IL12RB2: variants seen among roughly 807,000 people sequenced by gnomAD.
IL12RB2 encodes interleukin-12 receptor subunit beta-2.
In IL12RB2, 82 loss-of-function variants were observed where a neutral mutation model predicts 89.4. The ratio of observed to expected loss-of-function variants is 0.92; its 90% confidence interval spans 0.77 to 1.10. The LOEUF (loss-of-function observed/expected upper bound fraction) is 1.10, where lower values mean the gene tolerates loss of function less well. IL12RB2 is among the 50% of genes least tolerant of loss of function. The probability of loss-of-function intolerance (pLI) is 0.00; values close to 1 mark genes in which losing one functional copy is unlikely to be tolerated. For missense variants in IL12RB2, 963 were observed against 1,031.9 expected (o/e 0.93, Z 0.92); for synonymous variants, 368 against 370.1 (o/e 0.99, Z 0.07).
At chr1:67,320,252 A>C (rs991847951) in intron 2 of IL12RB2, 81 bp from the exon 3 acceptor site, 2 of 1,588,596 alleles carry the variant, frequency 1.3e-6, no homozygotes, top group Non-Finnish European at 1.7e-6. Flanking sequence ...ATAAAGCGGC[A>C]CTTGAAGCTC....
chr1:67,362,439 G>T (rs1304005527), intron 10 of IL12RB2, among the ~76,000 whole-genome samples: 2 of 150,104 alleles, frequency 1.3e-5, no homozygotes, highest in African/African-American at 2.4e-5. Context: ...GGTGGCGGGC[G>T]CCTGTAGTCC....
rs1314139375 is a variant in IL12RB2 at position 67,398,138 on chromosome 1, C to T, written c.*2049C>T. On this transcript the variant is annotated 3_prime_UTR_variant, in exon 17 of 17. Transcript: ENST00000674203. ...TTTAGCTATTATTGTGCGGCACCCCCAATGGTTCCTTTCCTCTCAGCATCG... is the reference window on the plus strand; with the variant it reads ...TTTAGCTATTATTGTGCGGCACCCCTAATGGTTCCTTTCCTCTCAGCATCG... Among the ~76,000 whole-genome samples, 1 of 152,156 alleles carries T rather than the reference C, an allele frequency of 6.6e-6. No individual in the cohort carries two copies. Among genetic ancestry groups the T allele is most frequent in the Non-Finnish European group, 1.5e-5 (1 of 68,030 alleles).
chr1:67,389,858 T>G (rs1665615598), intron 15 of IL12RB2, among the ~76,000 whole-genome samples, 171 bp from the exon 16 acceptor site: 1 of 152,216 alleles, frequency 6.6e-6, no homozygotes, highest in Non-Finnish European at 1.5e-5. Flanking sequence ...TGTTGTAATT[T>G]TACAGAAAAC....
At chr1:67,321,576 A>T in intron 3 of IL12RB2, 26 bp from the exon 4 acceptor site, 1 of 1,500,636 alleles carries the variant, frequency 6.7e-7, no homozygotes, top group African/African-American at 1.4e-5. Flanking sequence ...TCACCAACTA[A>T]ATATTGCATC....
chr1:67,348,543 T>G (rs1660486077), intron 9 of IL12RB2, among the ~76,000 whole-genome samples: 1 of 152,190 alleles, frequency 6.6e-6, no homozygotes, highest in African/African-American at 2.4e-5. Context: ...GAATTAACTG[T>G]TAATCTGTAG....
chr1:67,383,763 G>A (rs1291797862), intron 14 of IL12RB2, among the ~76,000 whole-genome samples: 3 of 152,252 alleles, frequency 2.0e-5, no homozygotes, highest in African/African-American at 4.8e-5. Flanking sequence ...TGCTAAGCAT[G>A]TGGGAGTTGT....
chr1:67,326,942 AT>A (rs369088868), intron 5 of IL12RB2, 93 bp downstream of exon 5: 23 of 667,648 alleles, frequency 3.4e-5, no homozygotes, highest in African/African-American at 1.6e-4. Flanking sequence ...TTTTTATTTT[AT>A]TTTATTTATT....
At chr1:67,354,785 T>C (rs1310459609) in intron 10 of IL12RB2, among the ~76,000 whole-genome samples, 2 of 152,220 alleles carry the variant, frequency 1.3e-5, no homozygotes, top group East Asian at 3.8e-4. Context: ...TATACAGTCA[T>C]ACTATTTACA....
rs1032855950 is a variant in IL12RB2 at position 67,397,569 on chromosome 1, A to G, written c.*1480A>G. Among the ~76,000 whole-genome samples the G allele has an allele frequency of 2.0e-5, 3 of 152,132 alleles. No homozygotes were observed. Among genetic ancestry groups the G allele is most frequent in the Non-Finnish European group, 4.4e-5 (3 of 68,030 alleles). On this transcript the variant is annotated 3_prime_UTR_variant, in exon 17 of 17. Transcript: ENST00000674203. ...ACAACATGGACTTGGAACATGATCC[A>G]TGTTTTGCTCTTTAAAGCTGTGGCC...
At position 67,356,543 on chromosome 1, in the gene IL12RB2, G is replaced by A. The variant is rs532169338; in HGVS notation, c.1258+5454G>A. Among the ~76,000 whole-genome samples, 10 of 152,264 alleles carry A rather than the reference G, an allele frequency of 6.6e-5. No individual in the cohort carries two copies. In the East Asian group the frequency reaches 1.5e-3, roughly 24 times the overall value. Reference sequence around the variant, plus strand: ...AAGAATAATAGCTCAATTCCCTCACGAAAAGCAGTGCCTACCACAGAGGTA... The same window carrying A: ...AAGAATAATAGCTCAATTCCCTCACAAAAAGCAGTGCCTACCACAGAGGTA... On this transcript the variant is annotated intron_variant, in intron 10 of 16. Coordinates refer to ENST00000674203, the MANE Select transcript of IL12RB2 (RefSeq NM_001374259.2).
intron 3 of IL12RB2, 50 bp downstream of exon 3, chr1:67,320,494 C>T: frequency 9.3e-6 from 15 of 1,611,266 alleles, no homozygotes; most frequent in Non-Finnish European, 1.3e-5. Context: ...GGTTTAAATT[C>T]TCAGTTACAG....
intron 13 of IL12RB2, among the ~76,000 whole-genome samples, chr1:67,374,296 T>C (rs930095220): frequency 2.6e-5 from 4 of 152,162 alleles, no homozygotes; most frequent in African/African-American, 9.7e-5. Context: ...TCAGAACTGC[T>C]TCCCCCTGGA....
chr1:67,381,765 C>CAAA (rs61066016), intron 14 of IL12RB2, among the ~76,000 whole-genome samples: 2 of 123,652 alleles, frequency 1.6e-5, no homozygotes, highest in African/African-American at 3.2e-5. Context: ...GACTATGTTT[C>CAAA]AAAAAAAAAA....
intron 16 of IL12RB2, among the ~76,000 whole-genome samples, chr1:67,391,388 T>TACACAC (rs111985818): frequency 0.12 from 17,006 of 144,162 alleles, 1,583 homozygotes; most frequent in African/African-American, 0.24. Flanking sequence ...TGTGTGTCTA[T>TACACAC]ACACACACAC....
chr1:67,388,374 C>A (rs138438728), intron 15 of IL12RB2, among the ~76,000 whole-genome samples: 39 of 152,290 alleles, frequency 2.6e-4, no homozygotes, highest in Middle Eastern at 3.4e-3. Flanking sequence ...GAGACAGAGT[C>A]TCACTCTGTC....
intron 13 of IL12RB2, among the ~76,000 whole-genome samples, chr1:67,379,412 A>T (rs1190792380): frequency 6.8e-6 from 1 of 147,054 alleles, no homozygotes; most frequent in African/African-American, 2.5e-5. Context: ...TGGGAAGCTG[A>T]GGCAGGAGAA....
chr1:67,322,977 C>A (rs1656777519), intron 4 of IL12RB2, among the ~76,000 whole-genome samples: 1 of 152,182 alleles, frequency 6.6e-6, no homozygotes, highest in Admixed American at 6.5e-5. Flanking sequence ...TCCAAGGAAG[C>A]TTTGGCGTGG....
intron 15 of IL12RB2, among the ~76,000 whole-genome samples, chr1:67,387,710 A>AAAG (rs1459469548): frequency 1.3e-5 from 2 of 151,600 alleles, no homozygotes; most frequent in Admixed American, 1.3e-4. Context: ...CAAAAAAAAA[A>AAAG]AAAAAAAGAA....
At position 67,398,283 on chromosome 1, in the gene IL12RB2, A is replaced by G. The variant is rs114364891; in HGVS notation, c.*2194A>G. Among the ~76,000 whole-genome samples the G allele has an allele frequency of 2.6e-5, 4 of 152,066 alleles. No homozygotes were observed. Among genetic ancestry groups the G allele is most frequent in the African/African-American group, 4.8e-5 (2 of 41,398 alleles). ...CTCCTCAGAAGCGGAACAACCTATT[A>G]TCTTTTGGCAATGGGAGCTAACTTC... On this transcript the variant is annotated 3_prime_UTR_variant, in exon 17 of 17. Transcript: ENST00000674203.
Sources: allele counts gnomAD v4.1 joint callset (sites outside exome capture counted in the v4.1 genomes callset), GRCh38; gene constraint gnomAD v4.1.1; transcripts MANE v1.5; gene names NCBI Gene and HGNC (gene_info 2026-07-23, HGNC 2026-07-21).